PHKB: variants seen among roughly 807,000 people sequenced by gnomAD.
PHKB encodes the protein phosphorylase kinase regulatory subunit beta.
A neutral mutation model predicts 152.1 loss-of-function variants in PHKB; 122 were observed. That is an observed-to-expected ratio of 0.80 (90% confidence interval 0.69 to 0.93). The LOEUF (loss-of-function observed/expected upper bound fraction) is 0.93. Among genes scored for constraint, PHKB ranks in the 40% least tolerant of loss-of-function variants. The probability of loss-of-function intolerance (pLI) is 0.00; values close to 1 mark genes in which losing one functional copy is unlikely to be tolerated. For missense variants in PHKB, 1,304 were observed against 1,328.4 expected (o/e 0.98, Z 0.29); for synonymous variants, 436 against 464.9 (o/e 0.94, Z 0.80).
At chr16:47,581,666 G>T (rs1237772286) in intron 8 of PHKB, among the ~76,000 whole-genome samples, 2 of 152,144 alleles carry the variant, frequency 1.3e-5, no homozygotes, top group Admixed American at 1.3e-4. Flanking sequence ...GCCATCTCTT[G>T]TTGCTATTGT....
intron 7 of PHKB, among the ~76,000 whole-genome samples, chr16:47,555,559 A>G (rs1388996030): frequency 6.6e-6 from 1 of 152,254 alleles, no homozygotes; most frequent in Admixed American, 6.5e-5. Context: ...TGCAATAATC[A>G]AATCAGTCAA....
At chr16:47,592,546 T>A (rs996676497) in intron 10 of PHKB, among the ~76,000 whole-genome samples, 2 of 152,274 alleles carry the variant, frequency 1.3e-5, no homozygotes, top group African/African-American at 4.8e-5. Flanking sequence ...CATCCAGCGT[T>A]AGCTGAAACA....
intron 4 of PHKB, 40 bp from the exon 5 acceptor site, chr16:47,511,625 A>G (rs1297415437): frequency 1.9e-5 from 25 of 1,332,140 alleles, no homozygotes; most frequent in Non-Finnish European, 2.7e-5. Context: ...GGATAAGTTT[A>G]TGAATTACTA....
At chr16:47,692,309 A>G (rs1161380199) in intron 27 of PHKB, among the ~76,000 whole-genome samples, 1 of 152,186 alleles carries the variant, frequency 6.6e-6, no homozygotes, top group African/African-American at 2.4e-5. Flanking sequence ...CTTTTAAAAT[A>G]CTAAGTGTAA....
chr16:47,525,629 C>T (rs761429969), intron 6 of PHKB, among the ~76,000 whole-genome samples: 17 of 152,268 alleles, frequency 1.1e-4, no homozygotes, highest in Admixed American at 5.9e-4. Context: ...TCTGCCCCAC[C>T]GTGTGTTTTA....
chr16:47,632,919 T>A (rs1972852058), intron 14 of PHKB, among the ~76,000 whole-genome samples: 1 of 152,204 alleles, frequency 6.6e-6, no homozygotes, highest in Non-Finnish European at 1.5e-5. Context: ...TAGTTTTAAA[T>A]TTTTAGCATG....
chr16:47,580,539 GACC>G (rs1971825215), intron 8 of PHKB, among the ~76,000 whole-genome samples, 181 bp downstream of exon 8: 1 of 138,084 alleles, frequency 7.2e-6, no homozygotes, highest in Non-Finnish European at 1.6e-5. Context: ...TCTAACTAAA[GACC>G]ATTGCTTAAT....
chr16:47,519,978 A>G (rs1480602958), intron 6 of PHKB, among the ~76,000 whole-genome samples: 1 of 151,960 alleles, frequency 6.6e-6, no homozygotes, highest in Non-Finnish European at 1.5e-5. Context: ...TTCTCTTTAA[A>G]ATATTAAATT....
intron 13 of PHKB, among the ~76,000 whole-genome samples, chr16:47,601,372 A>G (rs1476611385): frequency 2.0e-5 from 3 of 152,186 alleles, no homozygotes; most frequent in Non-Finnish European, 2.9e-5. Flanking sequence ...CTTATTCACT[A>G]TGTCCTAAAA....
At chr16:47,636,070 C>T (rs911626084) in intron 14 of PHKB, among the ~76,000 whole-genome samples, 1 of 152,102 alleles carries the variant, frequency 6.6e-6, no homozygotes, top group Admixed American at 6.5e-5. Flanking sequence ...AGGTTCTGAG[C>T]TAGAGTGACC....
At chr16:47,633,183 G>A (rs998455088) in intron 14 of PHKB, among the ~76,000 whole-genome samples, 7 of 152,034 alleles carry the variant, frequency 4.6e-5, no homozygotes, top group East Asian at 1.9e-4. Context: ...CTCTTTTATA[G>A]TGTATATAAA....
intron 7 of PHKB, chr16:47,566,134 C>G (rs1597090445): frequency 1.5e-6 from 1 of 653,094 alleles, no homozygotes; most frequent in East Asian, 2.6e-5. Flanking sequence ...CCTTGGTCAT[C>G]ATAGCGATCC....
intron 6 of PHKB, among the ~76,000 whole-genome samples, chr16:47,532,118 A>C (rs1295739799): frequency 6.6e-6 from 1 of 152,220 alleles, no homozygotes; most frequent in Non-Finnish European, 1.5e-5. Context: ...GGGAAATTCA[A>C]ATTTAAACCC....
chr16:47,505,878 CA>C (rs1970407646), intron 4 of PHKB, among the ~76,000 whole-genome samples: 1 of 150,780 alleles, frequency 6.6e-6, no homozygotes, highest in Non-Finnish European at 1.5e-5. Context: ...ACCAAAAATA[CA>C]AAAATTAGCC....
chr16:47,511,355 C>G (rs1162964204), intron 4 of PHKB, among the ~76,000 whole-genome samples: 1 of 152,104 alleles, frequency 6.6e-6, no homozygotes. Flanking sequence ...CAACATAAAG[C>G]AGAATTTTAC....
At chr16:47,505,216 C>T (rs576746677) in intron 4 of PHKB, among the ~76,000 whole-genome samples, 51 of 152,290 alleles carry the variant, frequency 3.3e-4, no homozygotes, top group African/African-American at 1.2e-3. Context: ...GGCTTGCTGG[C>T]GTGTGGAGCC....
At chr16:47,669,152 T>C in intron 25 of PHKB, 63 bp from the exon 26 acceptor site, 1 of 1,310,200 alleles carries the variant, frequency 7.6e-7, no homozygotes. Context: ...AGCCTTGATT[T>C]TTTTTTAATT....
chr16:47,545,871 C>G (rs1416804383), intron 6 of PHKB, among the ~76,000 whole-genome samples: 1 of 152,176 alleles, frequency 6.6e-6, no homozygotes, highest in Non-Finnish European at 1.5e-5. Flanking sequence ...CTTTCTTCCA[C>G]TTGATCGAAT....
At chr16:47,593,021 TA>T (rs1972054892) in intron 10 of PHKB, among the ~76,000 whole-genome samples, 2 of 149,328 alleles carry the variant, frequency 1.3e-5, no homozygotes, top group South Asian at 4.2e-4. Flanking sequence ...GAGGCCAAGA[TA>T]AGAGGATCTC....
Sources: gnomAD v4.1 joint callset for allele counts (sites outside exome capture counted in the v4.1 genomes callset) on GRCh38, gnomAD v4.1.1 for gene constraint, MANE v1.5 for transcripts, NCBI Gene and HGNC (gene_info 2026-07-23, HGNC 2026-07-21) for gene names.